The following TASP1 variants were observed in gnomAD, a reference collection of about 807,000 sequenced individuals.
TASP1 encodes the protein threonine aspartase 1.
In TASP1, 16 loss-of-function variants were observed where a neutral mutation model predicts 56.6. The observed-to-expected ratio is 0.28, with a 90% CI of 0.19 to 0.43. The LOEUF (loss-of-function observed/expected upper bound fraction) is 0.43. Among genes scored for constraint, TASP1 ranks in the 20% least tolerant of loss-of-function variants. The pLI is 1.00. For synonymous variants in TASP1, 179 were observed against 184.2 expected (o/e 0.97, Z 0.23); for missense variants, 393 against 511.6 (o/e 0.77, Z 2.24).
intron 11 of TASP1, among the ~76,000 whole-genome samples, chr20:13,461,544 C>T (rs1305641140): frequency 1.3e-5 from 2 of 152,126 alleles, no homozygotes; most frequent in Non-Finnish European, 2.9e-5. Flanking sequence ...AAGCTTTTTC[C>T]ATAAAGGGCC....
the TASP1 span, among the ~76,000 whole-genome samples, chr20:13,301,355 A>C: frequency 2.6e-5 from 4 of 152,104 alleles, no homozygotes; most frequent in Non-Finnish European, 5.9e-5. Flanking sequence ...CGCCTGGCTA[A>C]CTCTTGTATT....
intron 13 of TASP1, among the ~76,000 whole-genome samples, chr20:13,411,419 G>C (rs1161489213): frequency 6.6e-6 from 1 of 152,158 alleles, no homozygotes; most frequent in Non-Finnish European, 1.5e-5. Flanking sequence ...CCATGAGCAT[G>C]GGATGTCTTT....
the TASP1 span, among the ~76,000 whole-genome samples, chr20:13,156,716 A>G: frequency 6.6e-6 from 1 of 152,212 alleles, no homozygotes; most frequent in Admixed American, 6.5e-5. Flanking sequence ...AGTAATGTGT[A>G]CAAAGCACTT....
chr20:13,275,398 A>G, the TASP1 span, among the ~76,000 whole-genome samples: 2 of 152,182 alleles, frequency 1.3e-5, no homozygotes, highest in African/African-American at 4.8e-5. Flanking sequence ...CTGGATAAGA[A>G]TCAAGAAATT....
intron 11 of TASP1, among the ~76,000 whole-genome samples, chr20:13,466,250 A>G (rs1224520998): frequency 1.3e-5 from 2 of 152,204 alleles, no homozygotes; most frequent in African/African-American, 4.8e-5. Context: ...TCAGGTTAAT[A>G]TAAGGAAGAA....
chr20:13,487,689 C>T (rs531463759), intron 10 of TASP1, among the ~76,000 whole-genome samples: 11 of 152,034 alleles, frequency 7.2e-5, no homozygotes, highest in Non-Finnish European at 1.0e-4. Context: ...AAAATTCCAA[C>T]CCCCAACTTC....
intron 1 of TASP1, among the ~76,000 whole-genome samples, chr20:13,638,001 A>T (rs1174369389): frequency 6.6e-6 from 1 of 152,246 alleles, no homozygotes; most frequent in Non-Finnish European, 1.5e-5. Context: ...ACACGCATAC[A>T]TTATGATCAC....
At chr20:13,340,816 T>C in the TASP1 span, among the ~76,000 whole-genome samples, 1 of 152,212 alleles carries the variant, frequency 6.6e-6, no homozygotes, top group African/African-American at 2.4e-5. Flanking sequence ...TCAGTAATGA[T>C]TTTACTCTTA....
chr20:13,546,012 T>C (rs898035561), intron 8 of TASP1, among the ~76,000 whole-genome samples: 3 of 152,210 alleles, frequency 2.0e-5, no homozygotes, highest in African/African-American at 7.2e-5. Context: ...ATTTTGTTCT[T>C]CTAACACATA....
chr20:13,179,970 C>G, the TASP1 span, among the ~76,000 whole-genome samples: 4 of 152,166 alleles, frequency 2.6e-5, no homozygotes, highest in Admixed American at 6.5e-5. Flanking sequence ...TCTATGGACA[C>G]AGCGTTGGCC....
At chr20:13,229,525 A>G in the TASP1 span, among the ~76,000 whole-genome samples, 1 of 152,232 alleles carries the variant, frequency 6.6e-6, no homozygotes, top group Admixed American at 6.5e-5. Context: ...TTGCTAAATG[A>G]TAGTCCACTG....
chr20:13,375,931 T>C, the TASP1 span, among the ~76,000 whole-genome samples: 457 of 152,266 alleles, frequency 3.0e-3, 4 homozygotes, highest in Admixed American at 0.027. Flanking sequence ...GGGTTGTTTT[T>C]TTTTTGTAAA....
chr20:13,171,247 AC>A, the TASP1 span, among the ~76,000 whole-genome samples: 55 of 152,322 alleles, frequency 3.6e-4, no homozygotes, highest in Middle Eastern at 3.4e-3. Flanking sequence ...TTTTAAAAAA[AC>A]GTTATACATG....
At chr20:13,514,384 C>T (rs936632011) in intron 10 of TASP1, among the ~76,000 whole-genome samples, 10 of 152,082 alleles carry the variant, frequency 6.6e-5, no homozygotes, top group African/African-American at 1.2e-4. Flanking sequence ...AACAGAGTCC[C>T]GACTAACAGG....
the TASP1 span, among the ~76,000 whole-genome samples, chr20:13,215,376 T>G: frequency 4.6e-5 from 7 of 152,194 alleles, no homozygotes; most frequent in Non-Finnish European, 7.4e-5. Flanking sequence ...TGATGCACTT[T>G]TCTCCCCCAG....
chr20:13,105,256 C>A, the TASP1 span, among the ~76,000 whole-genome samples: 1 of 142,384 alleles, frequency 7.0e-6, no homozygotes, highest in African/African-American at 2.8e-5. Context: ...AGAGTTCATC[C>A]CCTGCAGGAG....
At chr20:13,233,297 A>T in the TASP1 span, among the ~76,000 whole-genome samples, 2 of 152,166 alleles carry the variant, frequency 1.3e-5, no homozygotes, top group Admixed American at 6.5e-5. Context: ...GAAGAGCAAA[A>T]ATAAAAATGG....
At chr20:13,511,166 C>T (rs558335207) in intron 10 of TASP1, among the ~76,000 whole-genome samples, 64 of 151,466 alleles carry the variant, frequency 4.2e-4, no homozygotes, top group African/African-American at 1.5e-3. Context: ...AGAAAGAGTT[C>T]CTCATTCCTA....
At chr20:13,599,422 C>T (rs1291941300) in intron 4 of TASP1, among the ~76,000 whole-genome samples, 2 of 152,106 alleles carry the variant, frequency 1.3e-5, no homozygotes, top group African/African-American at 2.4e-5. Context: ...CAAACTATCA[C>T]GAGGACAGAA....
Sources: allele counts gnomAD v4.1 joint callset (sites outside exome capture counted in the v4.1 genomes callset), GRCh38; gene constraint gnomAD v4.1.1; transcripts MANE v1.5; gene names NCBI Gene and HGNC (gene_info 2026-07-23, HGNC 2026-07-21).